KCNQ2: variants seen among roughly 807,000 people sequenced by gnomAD.
The protein encoded by KCNQ2 is potassium voltage-gated channel subfamily KQT member 2.
Under a neutral mutation model 84.8 loss-of-function variants are expected in KCNQ2, and 14 were observed. The ratio of observed to expected loss-of-function variants is 0.17; its 90% CI spans 0.11 to 0.26. The LOEUF (loss-of-function observed/expected upper bound fraction) is 0.26. Among genes scored for constraint, KCNQ2 ranks in the 10% least tolerant of loss-of-function variants. KCNQ2 has a pLI of 1.00. For missense variants in KCNQ2, 788 were observed against 1,254.0 expected (o/e 0.63, Z 5.61); for synonymous variants, 599 against 554.1 (o/e 1.08, Z -1.14).
intron 4 of KCNQ2, among the ~76,000 whole-genome samples, 161 bp from the exon 5 acceptor site, chr20:63,442,692 T>TCACCAC (rs1422312060): frequency 0.062 from 3,091 of 50,032 alleles, 326 homozygotes; most frequent in African/African-American, 0.13. Context: ...ACCATCACCA[T>TCACCAC]CACCACCATC....
chr20:63,461,698 G>A (rs1327396199), intron 1 of KCNQ2, among the ~76,000 whole-genome samples: 2 of 150,210 alleles, frequency 1.3e-5, no homozygotes, highest in East Asian at 2.0e-4. Flanking sequence ...GCAGCAGGGA[G>A]GAGGAGGCTG....
At chr20:63,468,560 A>G (rs1022220860) in intron 1 of KCNQ2, among the ~76,000 whole-genome samples, 3 of 152,336 alleles carry the variant, frequency 2.0e-5, no homozygotes, top group African/African-American at 7.2e-5. Flanking sequence ...TGTGAGGGGA[A>G]GCGCCTGGGC....
At position 63,437,735 on chromosome 20, in the gene KCNQ2, G is replaced by A. The variant is rs74774360; in HGVS notation, c.1023+890C>T. On this transcript the variant is annotated intron_variant, in intron 7 of 16. Transcript: ENST00000359125. ...TGGCAGGGATCCTGGTCAGCTCTGCGGGTCCAGTGGATGGAAGACTTTGGG... is the reference window on the plus strand; with the variant it reads ...TGGCAGGGATCCTGGTCAGCTCTGCAGGTCCAGTGGATGGAAGACTTTGGG... 3.8e-4 allele frequency among the ~76,000 whole-genome samples: 58 copies of A among 152,360 alleles called. No individual in the cohort carries two copies. The East Asian group carries it at 4.8e-3, about 13-fold the overall frequency.
intron 12 of KCNQ2, among the ~76,000 whole-genome samples, chr20:63,417,837 C>CTGCTGGA (rs962411383): frequency 2.6e-5 from 4 of 152,224 alleles, no homozygotes; most frequent in African/African-American, 9.6e-5. Flanking sequence ...CAGACACACC[C>CTGCTGGA]TGCTGGACCC....
chr20:63,434,238 C>G (rs1234482774), intron 7 of KCNQ2: 4 of 341,280 alleles, frequency 1.2e-5, no homozygotes, highest in African/African-American at 8.5e-5. Flanking sequence ...TATCACCTGT[C>G]CTGGGGGTTA....
rs753053286 is a variant in KCNQ2, at chr20:63,415,132, C to T, written c.1302-6G>A. On this transcript the variant is annotated splice_region_variant and splice_polypyrimidine_tract_variant and intron_variant, in intron 12 of 16. Transcript: ENST00000359125. ...CTTTCAAACTGACCTTCTGGCTGCTCCCACGGGAACCGACAGACAGACAGA... is the reference window on the plus strand; with the variant it reads ...CTTTCAAACTGACCTTCTGGCTGCTTCCACGGGAACCGACAGACAGACAGA... 5.5e-6 allele frequency: 8 copies of T among 1,456,388 alleles called. No individual in the cohort carries two copies. The East Asian group carries it at 1.7e-4, about 31-fold the overall frequency. The allele number at this position is 1,456,388 out of a possible 1,614,324, so 90.2% of individuals were successfully genotyped here. A position where few individuals can be genotyped will look rare whatever the true frequency, so the allele number is the denominator to read the frequency against.
rs2080900462 is a variant in KCNQ2, at chr20:63,433,791, G to A, written c.1118+18C>T. 1.2e-6 allele frequency: 2 copies of A among 1,613,920 alleles called. No homozygotes were observed. Among genetic ancestry groups the A allele is most frequent in the Admixed American group, 1.7e-5 (1 of 60,028 alleles). ...AAAATGAAACAGTTGCTTGGTGGCAGGTGCCCGGCGGCGGTACCTGTACAT... is the reference window on the plus strand; with the variant it reads ...AAAATGAAACAGTTGCTTGGTGGCAAGTGCCCGGCGGCGGTACCTGTACAT... On this transcript the variant is annotated intron_variant, in intron 8 of 16. Transcript: ENST00000359125.
intron 1 of KCNQ2, among the ~76,000 whole-genome samples, chr20:63,449,835 G>A (rs1269933461): frequency 2.6e-5 from 4 of 152,108 alleles, no homozygotes; most frequent in Admixed American, 2.6e-4. Flanking sequence ...ACAAACCCGG[G>A]GCCCCCATCA....
intron 5 of KCNQ2, among the ~76,000 whole-genome samples, chr20:63,440,347 G>A (rs964298753): frequency 4.6e-5 from 7 of 152,264 alleles, no homozygotes; most frequent in African/African-American, 9.6e-5. Flanking sequence ...GAGGGGAAGC[G>A]AAGGACGGAC....
At chr20:63,466,521 G>C (rs907829841) in intron 1 of KCNQ2, 3 of 152,320 alleles carry the variant, frequency 2.0e-5, no homozygotes, top group South Asian at 2.1e-4. Flanking sequence ...CGCTCCGTCC[G>C]GGGTGAGGCC....
rs1028429968 is a variant in KCNQ2, at chr20:63,414,693, C to T, written c.1525+210G>A. ...GCTGAGGTGGTGGTGACAACTCCACCGTGAGCGTGCTACATGCCACTGAAT... is the reference window on the plus strand; with the variant it reads ...GCTGAGGTGGTGGTGACAACTCCACTGTGAGCGTGCTACATGCCACTGAAT... On this transcript the variant is annotated intron_variant, in intron 13 of 16. Coordinates refer to ENST00000359125, the MANE Select transcript of KCNQ2 (RefSeq NM_172107.4). The surrounding 1 kb of genome is among the most constrained non-coding windows in gnomAD (Gnocchi z 6.6). Among the ~76,000 whole-genome samples the T allele has an allele frequency of 1.3e-5, 2 of 151,418 alleles. No individual in the cohort carries two copies. Among genetic ancestry groups the T allele is most frequent in the Admixed American group, 6.6e-5 (1 of 15,168 alleles).
At chr20:63,432,440 A>ATCCACCCACAGGGAAGGC (rs1489265542) in intron 8 of KCNQ2, among the ~76,000 whole-genome samples, 1 of 21,796 alleles carries the variant, frequency 4.6e-5, no homozygotes, top group Non-Finnish European at 9.3e-5. Context: ...TCAGGGAAGG[A>ATCCACCCACAGGGAAGGC]TCCACCCACA....
intron 4 of KCNQ2, among the ~76,000 whole-genome samples, chr20:63,443,150 T>C (rs1339904321): frequency 4.5e-4 from 15 of 33,692 alleles, no homozygotes; most frequent in Non-Finnish European, 6.0e-4. Flanking sequence ...ACCACCACCA[T>C]CACCGGCGCC....
At position 63,407,078 on chromosome 20, in the gene KCNQ2, C is replaced by T. The variant is rs900927940; in HGVS notation, c.2185G>A (p.Gly729Ser). 11 of 1,529,034 alleles carry T rather than the reference C, an allele frequency of 7.2e-6. No individual in the cohort carries two copies. Among genetic ancestry groups the T allele is most frequent in the Admixed American group, 3.9e-5 (2 of 50,862 alleles). The allele number at this position is 1,529,034 out of a possible 1,614,324, so 94.7% of individuals were successfully genotyped here. Residue 729 changes from glycine (G) to serine (S), a missense_variant, in exon 17 of 17, where the codon GGC becomes AGC. Physicochemically the swap from Gly to Ser is moderately conservative, Grantham distance 56. Around this residue, in one of 8 missense-constraint regions of KCNQ2, gnomAD observed 378 missense variants for 434.5 expected, o/e 0.87. Coordinates refer to ENST00000359125, the MANE Select transcript of KCNQ2 (RefSeq NM_172107.4). The surrounding 1 kb of genome is among the most constrained non-coding windows in gnomAD (Gnocchi z 7.2). ...CCGTGGTCCCCCACGGGGGAGGTGC[C>T]GTGGCCCTGGCGCGGGTGGCTCTGT... The part of the protein sequence containing the change: ...QPQSHPRQGH[G>S]TSPVGDHGSL...
Position 63,434,167 on chromosome 20 carries a change from G to A in KCNQ2, c.1024-264C>T. 6 of 530,684 alleles carry A rather than the reference G, an allele frequency of 1.1e-5. No individual in the cohort carries two copies. In the South Asian group the frequency reaches 1.7e-4, roughly 15 times the overall value. The allele number at this position is 530,684 out of a possible 1,614,324, so 32.9% of individuals were successfully genotyped here. A position where few individuals can be genotyped will look rare whatever the true frequency, so the allele number is the denominator to read the frequency against. On this transcript the variant is annotated intron_variant, in intron 7 of 16. Transcript: ENST00000359125. ...GTTGGGGCTTGACTCGGGGCCCTGA[G>A]CGAGCTCGCAGGGAGGCTGTGTTCT...
At chr20:63,450,491 C>A (rs377629639) in intron 1 of KCNQ2, among the ~76,000 whole-genome samples, 1 of 1,188 alleles carries the variant, frequency 8.4e-4, no homozygotes, top group Non-Finnish European at 1.3e-3. Flanking sequence ...CAGCACTGGG[C>A]GCTGCAGTCA....
At chr20:63,413,155 T>C (rs1037726551) in intron 15 of KCNQ2, 2 of 460,134 alleles carry the variant, frequency 4.3e-6, no homozygotes, top group East Asian at 8.8e-5. Flanking sequence ...GAAGCATACA[T>C]GTGTGCATGC....
At chr20:63,431,917 G>T (rs1271099069) in intron 8 of KCNQ2, among the ~76,000 whole-genome samples, 4 of 151,316 alleles carry the variant, frequency 2.6e-5, no homozygotes, top group African/African-American at 9.7e-5. Context: ...CTCAGGGAAG[G>T]CCCCACCCTC....
chr20:63,417,771 T>G (rs1189442247), intron 12 of KCNQ2, among the ~76,000 whole-genome samples: 2 of 152,154 alleles, frequency 1.3e-5, no homozygotes, highest in Non-Finnish European at 2.9e-5. Flanking sequence ...CTGCTTCCCA[T>G]TTTTCAGGGG....
Sources: gnomAD v4.1 joint callset for allele counts (sites outside exome capture counted in the v4.1 genomes callset) on GRCh38, gnomAD v4.1.1 for gene constraint, gnomAD v4.1.1 regional missense constraint, Gnocchi (gnomAD v3.1) non-coding constraint, MANE v1.5 for transcripts, NCBI Gene and HGNC (gene_info 2026-07-23, HGNC 2026-07-21) for gene names.